The following CLVS1 variants were observed in gnomAD, a reference collection of about 807,000 sequenced individuals.
CLVS1 encodes clavesin-1.
Under a neutral mutation model 33.1 loss-of-function variants are expected in CLVS1, and 10 were observed. The ratio of observed to expected loss-of-function variants is 0.30; its 90% CI spans 0.19 to 0.51. The LOEUF is 0.51. Ranked by LOEUF, CLVS1 falls within the 20% of genes least tolerant of loss-of-function variation. CLVS1 has a pLI of 0.97. For missense variants in CLVS1, 343 were observed against 433.4 expected (o/e 0.79, Z 1.85); for synonymous variants, 163 against 166.1 (o/e 0.98, Z 0.14).
the CLVS1 span, chr8:60,967,625 G>T: frequency 4.4e-6 from 2 of 455,838 alleles, no homozygotes; most frequent in Non-Finnish European, 8.8e-6. Flanking sequence ...GCTGCCTCTG[G>T]CTCCTTTATC....
chr8:61,277,801 CA>C (rs1327407635), intron 2 of CLVS1, among the ~76,000 whole-genome samples: 1 of 152,062 alleles, frequency 6.6e-6, no homozygotes, highest in Non-Finnish European at 1.5e-5. Flanking sequence ...GAGAGAGAAA[CA>C]GAAGTTTATT....
intron 1 of CLVS1, among the ~76,000 whole-genome samples, chr8:61,079,123 A>G (rs1804976819): frequency 6.6e-6 from 1 of 152,236 alleles, no homozygotes; most frequent in African/African-American, 2.4e-5. Context: ...ATATAAGAGT[A>G]AAAAGAGTAG....
the CLVS1 span, among the ~76,000 whole-genome samples, chr8:60,971,612 A>G: frequency 6.6e-6 from 1 of 152,074 alleles, no homozygotes; most frequent in Non-Finnish European, 1.5e-5. Flanking sequence ...GTTTATTGGC[A>G]TGGGGGTTGC....
rs754186310 is a variant in CLVS1 at position 61,499,474 on chromosome 8, G to GCTGGGA, written c.999_1004dup (p.Gly334_Thr335dup). 28 of 1,613,300 alleles carry GCTGGGA rather than the reference G, an allele frequency of 1.7e-5. No homozygotes were observed. The highest frequency in any genetic ancestry group is 2.2e-5 in the Non-Finnish European group (26 of 1,179,416). On this transcript the variant is annotated inframe_insertion, in exon 6 of 6. Coordinates refer to ENST00000325897, the MANE Select transcript of CLVS1 (RefSeq NM_173519.3). ...TGTTAGATCTCAGTCTGTGGTAGAA[G>GCTGGGA]CTGGGACCCTGAAACATGAGGAGAA...
intron 2 of CLVS1, among the ~76,000 whole-genome samples, chr8:61,269,650 C>T (rs569046658): frequency 6.7e-6 from 1 of 150,238 alleles, no homozygotes; most frequent in Non-Finnish European, 1.5e-5. Context: ...TACCCATGAG[C>T]GTGGAATGTT....
chr8:61,204,016 C>T (rs1807791511), intron 2 of CLVS1, among the ~76,000 whole-genome samples: 1 of 152,048 alleles, frequency 6.6e-6, no homozygotes, highest in Non-Finnish European at 1.5e-5. Flanking sequence ...AGATATTGGC[C>T]CATTTTTCAG....
Position 61,374,333 on chromosome 8 carries a change from A to G in CLVS1, c.456-2272A>G, listed in dbSNP as rs140087561. 3.8e-3 allele frequency among the ~76,000 whole-genome samples: 576 copies of G among 152,186 alleles called. 2 individuals are homozygous for G. Among genetic ancestry groups the G allele is most frequent in the Non-Finnish European group, 6.2e-3 (420 of 68,004 alleles). On this transcript the variant is annotated intron_variant, in intron 2 of 5. Transcript: ENST00000325897. ...CTCCTTCAACCTCAGTGCTGTATGT[A>G]AGCTTTACCTTAGGCTTAACCTTTC...
intron 2 of CLVS1, among the ~76,000 whole-genome samples, chr8:61,351,824 A>G (rs1812478325): frequency 1.3e-5 from 2 of 152,154 alleles, no homozygotes; most frequent in Admixed American, 1.3e-4. Context: ...TGTGACTTCT[A>G]TATCTGGTGA....
chr8:61,245,398 G>A (rs909188584), intron 2 of CLVS1, among the ~76,000 whole-genome samples: 2 of 152,036 alleles, frequency 1.3e-5, no homozygotes, highest in Non-Finnish European at 2.9e-5. Flanking sequence ...TGTTGGCCAG[G>A]ATGGCCTCAA....
chr8:60,992,004 T>C, the CLVS1 span, among the ~76,000 whole-genome samples: 1 of 152,148 alleles, frequency 6.6e-6, no homozygotes. Flanking sequence ...CGCCTTGGCC[T>C]CCCAAGGTGC....
At chr8:61,065,848 T>C (rs1308632494) in intron 1 of CLVS1, among the ~76,000 whole-genome samples, 2 of 152,130 alleles carry the variant, frequency 1.3e-5, no homozygotes, top group East Asian at 1.9e-4. Flanking sequence ...GTTGGTAAAA[T>C]TGGAGATGAC....
chr8:61,010,113 G>C, the CLVS1 span, among the ~76,000 whole-genome samples: 1 of 152,200 alleles, frequency 6.6e-6, no homozygotes, highest in Non-Finnish European at 1.5e-5. Flanking sequence ...GCAGGGAAAA[G>C]ACTTGAACCT....
chr8:61,329,203 A>ATC (rs34303330), intron 2 of CLVS1, among the ~76,000 whole-genome samples: 1,800 of 145,130 alleles, frequency 0.012, 19 homozygotes, highest in African/African-American at 0.031. Flanking sequence ...ACCCCTCCTC[A>ATC]TCTCTCTCTC....
At position 61,460,628 on chromosome 8, in the gene CLVS1, A is replaced by G. The variant is rs566075036; in HGVS notation, c.977+2086A>G. Among the ~76,000 whole-genome samples, 11 of 152,300 alleles carry G rather than the reference A, an allele frequency of 7.2e-5. No individual in the cohort carries two copies. In the South Asian group the frequency reaches 2.3e-3, roughly 32 times the overall value. ...TCATGGTGCAGAAGGACTCTCTGGG[A>G]AAGATTTCCCAGGAATTTTTCAGCT... On this transcript the variant is annotated intron_variant, in intron 5 of 5. Coordinates refer to ENST00000325897, the MANE Select transcript of CLVS1 (RefSeq NM_173519.3).
At chr8:61,317,453 C>G (rs1187988058) in intron 2 of CLVS1, among the ~76,000 whole-genome samples, 1 of 152,086 alleles carries the variant, frequency 6.6e-6, no homozygotes, top group Non-Finnish European at 1.5e-5. Flanking sequence ...GGATATTCTC[C>G]CACATCTTCA....
intron 2 of CLVS1, among the ~76,000 whole-genome samples, chr8:61,351,570 T>A (rs1812463740): frequency 6.6e-6 from 1 of 151,514 alleles, no homozygotes; most frequent in Non-Finnish European, 1.5e-5. Context: ...TAAAAAAAAA[T>A]ACAAACTTAC....
At chr8:61,234,504 A>G (rs1808511928) in intron 2 of CLVS1, among the ~76,000 whole-genome samples, 1 of 152,130 alleles carries the variant, frequency 6.6e-6, no homozygotes, top group South Asian at 2.1e-4. Context: ...TCCGGTCACA[A>G]TGAGCCAGGG....
At chr8:61,036,357 A>G in the CLVS1 span, among the ~76,000 whole-genome samples, 5 of 152,324 alleles carry the variant, frequency 3.3e-5, no homozygotes, top group Admixed American at 2.6e-4. Context: ...GTGCCTTGTG[A>G]GACCTCTGGC....
the CLVS1 span, among the ~76,000 whole-genome samples, chr8:61,007,593 T>A: frequency 7.2e-5 from 11 of 152,318 alleles, no homozygotes; most frequent in East Asian, 2.1e-3. Context: ...CAAGCCTGGT[T>A]TACCAAGCCA....
Sources: gnomAD v4.1 joint callset for allele counts (sites outside exome capture counted in the v4.1 genomes callset) on GRCh38, gnomAD v4.1.1 for gene constraint, MANE v1.5 for transcripts, NCBI Gene and HGNC (gene_info 2026-07-23, HGNC 2026-07-21) for gene names.